The following AGBL3 variants were observed in gnomAD, a reference collection of about 807,000 sequenced individuals.
AGBL3 encodes AGBL carboxypeptidase 3.
In AGBL3, 68 loss-of-function variants were observed where a neutral mutation model predicts 94.5. That is an observed-to-expected ratio of 0.72 (90% CI 0.59 to 0.88). The LOEUF (loss-of-function observed/expected upper bound fraction) is 0.88. Ranked by LOEUF, AGBL3 falls within the 40% of genes least tolerant of loss-of-function variation. The pLI, the probability that AGBL3 is intolerant of heterozygous loss-of-function variation, is 0.00. For synonymous variants in AGBL3, 354 were observed against 370.7 expected (o/e 0.95, Z 0.52); for missense variants, 934 against 1,103.8 (o/e 0.85, Z 2.18).
chr7:135,070,855 A>C (rs1819839793), intron 12 of AGBL3, among the ~76,000 whole-genome samples: 1 of 152,160 alleles, frequency 6.6e-6, no homozygotes. Flanking sequence ...TATTCAACAT[A>C]GTGTTGGAAG....
chr7:135,078,913 T>C (rs1820693884), intron 13 of AGBL3, among the ~76,000 whole-genome samples: 1 of 152,220 alleles, frequency 6.6e-6, no homozygotes, highest in South Asian at 2.1e-4. Context: ...GACTATTTCT[T>C]ACTTGGTTTG....
At chr7:135,028,330 GGAGT>G (rs1267310136) in intron 5 of AGBL3, among the ~76,000 whole-genome samples, 2 of 148,508 alleles carry the variant, frequency 1.3e-5, no homozygotes, top group Non-Finnish European at 3.0e-5. Context: ...TTTCAAAATT[GGAGT>G]CAGTCCTATT....
chr7:135,067,135 A>C (rs1819401226), intron 12 of AGBL3, among the ~76,000 whole-genome samples: 1 of 152,168 alleles, frequency 6.6e-6, no homozygotes, highest in Non-Finnish European at 1.5e-5. Flanking sequence ...AGCCTCGCTC[A>C]TTGCTAGCAC....
intron 13 of AGBL3, 57 bp downstream of exon 13, chr7:135,076,525 C>T (rs981050351): frequency 7.6e-7 from 1 of 1,321,314 alleles, no homozygotes; most frequent in African/African-American, 1.5e-5. Flanking sequence ...AAGAGAATGG[C>T]AAGTTATTTT....
chr7:135,059,307 G>T, intron 12 of AGBL3, 72 bp downstream of exon 12: 5 of 1,021,238 alleles, frequency 4.9e-6, no homozygotes, highest in South Asian at 3.8e-5. Context: ...CTAATAATCA[G>T]GCAAAAAAAA....
At chr7:135,011,753 T>A (rs1433847311) in intron 4 of AGBL3, 2 of 152,212 alleles carry the variant, frequency 1.3e-5, no homozygotes, top group East Asian at 3.8e-4. Context: ...CTTGCAAGGT[T>A]AAATTTAACT....
At chr7:135,096,151 C>CTCAA (rs1822646635) in intron 15 of AGBL3, among the ~76,000 whole-genome samples, 1 of 147,824 alleles carries the variant, frequency 6.8e-6, no homozygotes, top group Non-Finnish European at 1.5e-5. Context: ...GACTCTCTCT[C>CTCAA]AAAAAAAAAA....
chr7:135,036,375 A>G (rs978537569), intron 7 of AGBL3, among the ~76,000 whole-genome samples: 1 of 149,942 alleles, frequency 6.7e-6, no homozygotes, highest in Non-Finnish European at 1.5e-5. Context: ...TTTTTTTTAG[A>G]TATTTGTTAG....
At chr7:135,033,615 C>T (rs1157780939) in intron 6 of AGBL3, among the ~76,000 whole-genome samples, 1 of 152,118 alleles carries the variant, frequency 6.6e-6, no homozygotes, top group Non-Finnish European at 1.5e-5. Context: ...TTTATTTAAG[C>T]ATCTCCAAAG....
intron 1 of AGBL3, 52 bp from the exon 2 acceptor site, chr7:134,987,811 GTACTCATTTAAT>G: frequency 1.5e-6 from 1 of 660,550 alleles, no homozygotes; most frequent in Non-Finnish European, 2.6e-6. Flanking sequence ...ATATTTTTGA[GTACTCATTTAAT>G]GTAGTAAACA....
intron 15 of AGBL3, among the ~76,000 whole-genome samples, chr7:135,089,241 A>C (rs1010276955): frequency 6.6e-6 from 1 of 152,048 alleles, no homozygotes; most frequent in Admixed American, 6.6e-5. Flanking sequence ...TGAATTTCTT[A>C]TTCACATTAT....
At chr7:135,036,527 G>A (rs940966702) in intron 7 of AGBL3, among the ~76,000 whole-genome samples, 5 of 152,068 alleles carry the variant, frequency 3.3e-5, no homozygotes, top group African/African-American at 1.2e-4. Context: ...AAATATTTGG[G>A]TACTTATTAT....
chr7:135,062,414 A>C (rs1818921875), intron 12 of AGBL3, among the ~76,000 whole-genome samples: 1 of 152,120 alleles, frequency 6.6e-6, no homozygotes, highest in African/African-American at 2.4e-5. Context: ...AGAAGTGGTA[A>C]AAGTGGGCAT....
At chr7:135,023,356 A>T (rs1814723818) in intron 5 of AGBL3, among the ~76,000 whole-genome samples, 1 of 152,148 alleles carries the variant, frequency 6.6e-6, no homozygotes, top group Non-Finnish European at 1.5e-5. Flanking sequence ...GAAAGCTAGG[A>T]ACCCTGCATG....
intron 4 of AGBL3, among the ~76,000 whole-genome samples, chr7:135,007,190 G>A (rs182760815): frequency 1.3e-4 from 20 of 151,802 alleles, no homozygotes; most frequent in Admixed American, 5.9e-4. Context: ...CCCATTCATC[G>A]CTATGAGGCC....
At position 135,034,660 on chromosome 7, in the gene AGBL3, G is replaced by GT; in HGVS notation, c.1070dup (p.Ile358AspfsTer30). On this transcript the variant is annotated frameshift_variant, in exon 7 of 17. Transcript: ENST00000436302. LOFTEE classifies it high-confidence loss of function. ...CTCTGACTCAAGAAAGCGGAAGGCT[G>GT]TGATTCTGACTGCAAGGGTCCATCC... is the stretch of plus-strand genomic sequence containing the variant. The GT allele has an allele frequency of 6.4e-7, 1 of 1,551,618 alleles. No individual in the cohort carries two copies. The highest frequency in any genetic ancestry group is 8.7e-7 in the Non-Finnish European group (1 of 1,146,944).
chr7:135,121,423 A>T (rs2117244233), intron 16 of AGBL3, among the ~76,000 whole-genome samples: 1 of 152,362 alleles, frequency 6.6e-6, no homozygotes, highest in East Asian at 1.9e-4. Flanking sequence ...TACGTGGATC[A>T]TATACCAAGA....
At chr7:135,022,507 G>GGGTT (rs1814618553) in intron 5 of AGBL3, among the ~76,000 whole-genome samples, 1 of 151,132 alleles carries the variant, frequency 6.6e-6, no homozygotes, top group Non-Finnish European at 1.5e-5. Flanking sequence ...CTTTTGGATG[G>GGGTT]GTTTTTTTTT....
At chr7:135,035,881 G>T (rs1816255344) in intron 7 of AGBL3, among the ~76,000 whole-genome samples, 1 of 152,010 alleles carries the variant, frequency 6.6e-6, no homozygotes. Context: ...TTATAATCTA[G>T]TTAGTTTTCT....
Sources: allele counts gnomAD v4.1 joint callset (sites outside exome capture counted in the v4.1 genomes callset), GRCh38; gene constraint gnomAD v4.1.1; transcripts MANE v1.5; gene names NCBI Gene and HGNC (gene_info 2026-07-23, HGNC 2026-07-21).